Variants in CNIH3 observed in about 807,000 individuals in gnomAD.
CNIH3 encodes the protein cornichon family AMPA receptor auxiliary protein 3, also known as protein cornichon homolog 3.
In CNIH3, 14 loss-of-function variants were observed where a neutral mutation model predicts 24.1. That is an observed-to-expected ratio of 0.58 (90% CI 0.38 to 0.91). The LOEUF (loss-of-function observed/expected upper bound fraction) is 0.91, where lower values mean the gene tolerates loss of function less well. Among genes scored for constraint, CNIH3 ranks in the 40% least tolerant of loss-of-function variants. The probability of loss-of-function intolerance (pLI) is 0.00; values close to 1 mark genes in which losing one functional copy is unlikely to be tolerated. For missense variants in CNIH3, 178 were observed against 196.8 expected (o/e 0.90, Z 0.57); for synonymous variants, 68 against 73.8 (o/e 0.92, Z 0.40).
chr1:224,519,784 T>C (rs1238613139), intron 1 of CNIH3, among the ~76,000 whole-genome samples: 4 of 151,686 alleles, frequency 2.6e-5, no homozygotes, highest in Non-Finnish European at 5.9e-5. Flanking sequence ...TTGGTTCTGT[T>C]TCTTGGGAGA....
chr1:224,478,343 ATTC>A (rs1192820939), intron 1 of CNIH3, among the ~76,000 whole-genome samples: 1 of 151,986 alleles, frequency 6.6e-6, no homozygotes, highest in Non-Finnish European at 1.5e-5. Context: ...GGCATGCTTC[ATTC>A]TTTTTTATTT....
intron 1 of CNIH3, among the ~76,000 whole-genome samples, chr1:224,621,778 G>A (rs752502936): frequency 1.1e-4 from 16 of 152,166 alleles, no homozygotes; most frequent in South Asian, 2.1e-4. Flanking sequence ...CTGGCTTGAC[G>A]CATTTCCAGT....
At chr1:224,688,674 G>A (rs965139258) in intron 3 of CNIH3, among the ~76,000 whole-genome samples, 3 of 151,974 alleles carry the variant, frequency 2.0e-5, no homozygotes, top group Admixed American at 6.6e-5. Context: ...TAGGCCAGGC[G>A]CGGTGGCTCA....
intron 4 of CNIH3, among the ~76,000 whole-genome samples, chr1:224,731,902 G>T (rs1175179934): frequency 6.6e-6 from 1 of 152,240 alleles, no homozygotes; most frequent in Non-Finnish European, 1.5e-5. Flanking sequence ...TTCTTGGAGG[G>T]AAATAAGAAG....
At chr1:224,637,076 C>T (rs1286633523) in intron 1 of CNIH3, among the ~76,000 whole-genome samples, 2 of 151,876 alleles carry the variant, frequency 1.3e-5, no homozygotes, top group Non-Finnish European at 2.9e-5. Context: ...CTCAGCCTCC[C>T]GACTAGCTGG....
In CNIH3 at chr1:224,530,030, T is replaced by C. The variant is rs543222653; in HGVS notation, n.344-6906T>C. 9.8e-5 allele frequency among the ~76,000 whole-genome samples: 15 copies of C among 152,314 alleles called. No homozygotes were observed. In the South Asian group the frequency reaches 3.1e-3, roughly 32 times the overall value. On this transcript the variant is annotated intron_variant and non_coding_transcript_variant, in intron 2 of 2. Coordinates refer to the CNIH3 transcript ENST00000470602. Reference sequence around the variant, plus strand: ...GCATTGCTGAGCACCTGCTGTTTGCTGCCCTTACATCATGCTGTGGAGGCA... The same window carrying C: ...GCATTGCTGAGCACCTGCTGTTTGCCGCCCTTACATCATGCTGTGGAGGCA...
chr1:224,538,983 A>G (rs1032086883), downstream of CNIH3, among the ~76,000 whole-genome samples: 2 of 151,926 alleles, frequency 1.3e-5, no homozygotes, highest in Non-Finnish European at 2.9e-5. Context: ...CTTACTGTTT[A>G]AATGTACCTT....
intron 1 of CNIH3, among the ~76,000 whole-genome samples, chr1:224,437,846 T>G (rs10799574): frequency 0.57 from 86,492 of 151,838 alleles, 28,476 homozygotes; most frequent in East Asian, 0.96. Flanking sequence ...CAGACTAGAC[T>G]AGAAGGCAAC....
At chr1:224,651,517 A>C (rs929772222) in intron 1 of CNIH3, among the ~76,000 whole-genome samples, 1 of 152,146 alleles carries the variant, frequency 6.6e-6, no homozygotes, top group Admixed American at 6.5e-5. Flanking sequence ...GGTGTTAGCA[A>C]CCTGGTGTAT....
rs71170028 is a variant in CNIH3 at position 224,674,272 on chromosome 1, G to GTT, written c.82-6652_82-6651dup. On this transcript the variant is annotated intron_variant, in intron 1 of 5. Coordinates refer to ENST00000272133, the MANE Select transcript of CNIH3 (RefSeq NM_152495.2). ...AATCGTTTCTTCATCTTCCAGGAAG[G>GTT]TTTTTTTTTTTTTTTTTTTTTTTTT... 1.3e-3 allele frequency among the ~76,000 whole-genome samples: 96 copies of GTT among 72,052 alleles called. 4 individuals are homozygous for GTT. The highest frequency in any genetic ancestry group is 4.4e-3 in the African/African-American group (82 of 18,628). 47.3% of individuals were successfully genotyped at this position (72,052 alleles called of 152,430 possible). A position where few individuals can be genotyped will look rare whatever the true frequency, so the allele number is the denominator to read the frequency against.
intron 1 of CNIH3, among the ~76,000 whole-genome samples, chr1:224,470,248 G>A (rs1676316725): frequency 6.6e-6 from 1 of 151,180 alleles, no homozygotes; most frequent in African/African-American, 2.4e-5. Flanking sequence ...TCGATCTCCT[G>A]ACCTTGTGAG....
intron 2 of CNIH3, among the ~76,000 whole-genome samples, chr1:224,536,129 G>A (rs1048690434): frequency 1.3e-5 from 2 of 152,014 alleles, no homozygotes; most frequent in African/African-American, 4.8e-5. Flanking sequence ...TGTCAGATGG[G>A]GCAAGGATCC....
chr1:224,454,107 A>G (rs1014675248), intron 1 of CNIH3, among the ~76,000 whole-genome samples: 1 of 152,240 alleles, frequency 6.6e-6, no homozygotes, highest in Non-Finnish European at 1.5e-5. Flanking sequence ...AACTGCTTGA[A>G]GAAAACGCAC....
chr1:224,518,180 G>A (rs548342536), intron 1 of CNIH3, among the ~76,000 whole-genome samples: 1 of 152,298 alleles, frequency 6.6e-6, no homozygotes, highest in South Asian at 2.1e-4. Context: ...ACAGACTGCA[G>A]CGATTCATGA....
chr1:224,634,904 AG>A (rs1684012874), intron 1 of CNIH3, among the ~76,000 whole-genome samples: 1 of 152,194 alleles, frequency 6.6e-6, no homozygotes, highest in African/African-American at 2.4e-5. Flanking sequence ...TAATTAGCAA[AG>A]TTGGCAGTTT....
rs957834466 is a variant in CNIH3 at position 224,616,661 on chromosome 1, G to A, written c.-514G>A. ...CGGCTCTGGGATTTGGGAGGAGCTC[G>A]GAGGCCGCTCGGGCACCTCGCTGGA... On this transcript the variant is annotated 5_prime_UTR_variant, in exon 1 of 6. Transcript: ENST00000272133. 8 of 988,102 alleles carry A rather than the reference G, an allele frequency of 8.1e-6. No homozygotes were observed. The African/African-American group carries it at 1.4e-4, about 17-fold the overall frequency. 61.2% of individuals were successfully genotyped at this position (988,102 alleles called of 1,614,324 possible).
At chr1:224,536,402 C>T (rs937781501) in intron 2 of CNIH3, among the ~76,000 whole-genome samples, 61 of 150,318 alleles carry the variant, frequency 4.1e-4, no homozygotes, top group African/African-American at 1.5e-3. Flanking sequence ...AGCGATTCTC[C>T]TGCCTCAGCC....
chr1:224,449,975 G>GTA (rs951902468), intron 1 of CNIH3, among the ~76,000 whole-genome samples: 5 of 150,704 alleles, frequency 3.3e-5, no homozygotes, highest in African/African-American at 1.2e-4. Context: ...ACACACACAC[G>GTA]TATATATACA....
chr1:224,706,289 A>G (rs1402599269), intron 3 of CNIH3, among the ~76,000 whole-genome samples: 1 of 152,166 alleles, frequency 6.6e-6, no homozygotes, highest in Non-Finnish European at 1.5e-5. Context: ...CCTTAGTCCC[A>G]GGAATGGCTC....
Sources: gnomAD v4.1 joint callset for allele counts (sites outside exome capture counted in the v4.1 genomes callset) on GRCh38, gnomAD v4.1.1 for gene constraint, MANE v1.5 for transcripts, NCBI Gene and HGNC (gene_info 2026-07-23, HGNC 2026-07-21) for gene names.